RAB3C: variants seen among roughly 807,000 people sequenced by gnomAD.
RAB3C encodes RAB3C, member RAS oncogene family.
Under a neutral mutation model 26.4 loss-of-function variants are expected in RAB3C, and 17 were observed. The ratio of observed to expected loss-of-function variants is 0.64; its 90% CI spans 0.44 to 0.97. RAB3C has a LOEUF of 0.97. Ranked by LOEUF, RAB3C falls within the 50% of genes least tolerant of loss-of-function variation. RAB3C has a pLI of 0.00. For synonymous variants in RAB3C, 91 were observed against 95.9 expected, an observed-to-expected ratio of 0.95 and a Z score of 0.30; for missense variants, 242 against 281.9, an observed-to-expected ratio of 0.86 and a Z score of 1.01.
chr5:58,695,597 G>A (rs532167644), intron 2 of RAB3C, among the ~76,000 whole-genome samples: 10 of 152,010 alleles, frequency 6.6e-5, no homozygotes, highest in East Asian at 5.8e-4. Flanking sequence ...CTTTTATTTC[G>A]TTGAGCAGTG....
chr5:58,602,991 C>T (rs1746489553), intron 1 of RAB3C, among the ~76,000 whole-genome samples: 1 of 152,094 alleles, frequency 6.6e-6, no homozygotes, highest in Non-Finnish European at 1.5e-5. Flanking sequence ...TTTAGCAGTT[C>T]TTGTAGTGAT....
At chr5:58,587,576 A>G (rs1379497212) in intron 1 of RAB3C, among the ~76,000 whole-genome samples, 1 of 152,196 alleles carries the variant, frequency 6.6e-6, no homozygotes, top group Non-Finnish European at 1.5e-5. Flanking sequence ...GTTTTTAGAT[A>G]ATATTTATAT....
chr5:58,691,104 A>C (rs1466770045), intron 2 of RAB3C, among the ~76,000 whole-genome samples: 1 of 152,160 alleles, frequency 6.6e-6, no homozygotes, highest in Admixed American at 6.5e-5. Context: ...CAGTAAAAAA[A>C]AAAAATGGAT....
At chr5:58,619,005 A>G (rs1746879967) in intron 2 of RAB3C, among the ~76,000 whole-genome samples, 1 of 152,228 alleles carries the variant, frequency 6.6e-6, no homozygotes. Flanking sequence ...TTTAAAAAAG[A>G]AAACAGCCCT....
At chr5:58,598,844 A>G (rs1461716607) in intron 1 of RAB3C, among the ~76,000 whole-genome samples, 1 of 152,168 alleles carries the variant, frequency 6.6e-6, no homozygotes, top group African/African-American at 2.4e-5. Flanking sequence ...CTCTGAAGTT[A>G]GGTAATAAGA....
chr5:58,759,568 A>G (rs1200398694), intron 3 of RAB3C, among the ~76,000 whole-genome samples: 1 of 152,208 alleles, frequency 6.6e-6, no homozygotes, highest in African/African-American at 2.4e-5. Context: ...TCTTTATAAC[A>G]TGTAATGTAT....
chr5:58,679,796 A>T (rs1748309433), intron 2 of RAB3C, among the ~76,000 whole-genome samples: 1 of 152,256 alleles, frequency 6.6e-6, no homozygotes. Flanking sequence ...CAGCAAAATC[A>T]TGCAGGCTTT....
In RAB3C at chr5:58,757,852, C is replaced by G. The variant is rs112283273; in HGVS notation, c.371+31732C>G. 1.1e-4 allele frequency among the ~76,000 whole-genome samples: 16 copies of G among 152,340 alleles called. 1 individual carries two copies. Among genetic ancestry groups the G allele is most frequent in the African/African-American group, 3.6e-4 (15 of 41,590 alleles). On this transcript the variant is annotated intron_variant, in intron 3 of 4. Transcript: ENST00000282878. ...ATATTATGATGTTCCAGTGTCAGCA[C>G]TCTCTTCACATCTGCCATCAGCTCT...
At chr5:58,781,283 A>G (rs1012784194) in intron 3 of RAB3C, among the ~76,000 whole-genome samples, 5 of 152,150 alleles carry the variant, frequency 3.3e-5, no homozygotes, top group African/African-American at 1.2e-4. Flanking sequence ...GCTGCTAGGT[A>G]GATATGATTG....
At chr5:58,762,910 T>C (rs1741828012) in intron 3 of RAB3C, among the ~76,000 whole-genome samples, 1 of 152,336 alleles carries the variant, frequency 6.6e-6, no homozygotes, top group East Asian at 1.9e-4. Context: ...AATGAATATA[T>C]GTTACAGAAT....
intron 3 of RAB3C, among the ~76,000 whole-genome samples, chr5:58,727,141 TATG>T (rs1379488238): frequency 1.3e-5 from 2 of 151,994 alleles, no homozygotes; most frequent in Non-Finnish European, 2.9e-5. Context: ...GTTTGTTTTC[TATG>T]ATAATATTAT....
intron 2 of RAB3C, among the ~76,000 whole-genome samples, chr5:58,724,784 A>G (rs1404763646): frequency 6.6e-6 from 1 of 151,792 alleles, no homozygotes; most frequent in Non-Finnish European, 1.5e-5. Context: ...GATCACAAAG[A>G]AAAGAACAGA....
At chr5:58,790,697 A>T (rs1456598544) in intron 3 of RAB3C, among the ~76,000 whole-genome samples, 1 of 152,214 alleles carries the variant, frequency 6.6e-6, no homozygotes, top group Non-Finnish European at 1.5e-5. Context: ...TTCACACTCT[A>T]CATGGCAAAG....
chr5:58,774,823 G>C (rs1742093067), intron 3 of RAB3C, among the ~76,000 whole-genome samples: 1 of 152,124 alleles, frequency 6.6e-6, no homozygotes, highest in Non-Finnish European at 1.5e-5. Flanking sequence ...AGTGTCCTTA[G>C]CACAAATCAA....
At chr5:58,805,720 A>G (rs1297674310) in intron 3 of RAB3C, among the ~76,000 whole-genome samples, 1 of 152,150 alleles carries the variant, frequency 6.6e-6, no homozygotes, top group Non-Finnish European at 1.5e-5. Flanking sequence ...ATTAACATAA[A>G]AAGCAGAGGA....
At position 58,668,804 on chromosome 5, in the gene RAB3C, C is replaced by T. The variant is rs1432466078; in HGVS notation, c.252+50934C>T. Among the ~76,000 whole-genome samples, 3 of 152,058 alleles carry T rather than the reference C, an allele frequency of 2.0e-5. No individual in the cohort carries two copies. In the South Asian group the frequency reaches 6.2e-4, roughly 31 times the overall value. ...CTTAATTTCTAGTCACTCATGGTCTCCCATGAAAGATTCCTGCCATAATCA... is the reference window on the plus strand; with the variant it reads ...CTTAATTTCTAGTCACTCATGGTCTTCCATGAAAGATTCCTGCCATAATCA... On this transcript the variant is annotated intron_variant, in intron 2 of 4. Transcript: ENST00000282878.
chr5:58,685,060 A>G (rs1748416020), intron 2 of RAB3C, among the ~76,000 whole-genome samples: 1 of 152,218 alleles, frequency 6.6e-6, no homozygotes, highest in African/African-American at 2.4e-5. Flanking sequence ...CTTATGTTTA[A>G]TAAGAAAATG....
chr5:58,825,824 G>A (rs1376462850), intron 4 of RAB3C, among the ~76,000 whole-genome samples: 1 of 152,142 alleles, frequency 6.6e-6, no homozygotes, highest in Non-Finnish European at 1.5e-5. Context: ...ATACAAAGGA[G>A]GGATTGATGA....
chr5:58,596,950 T>A (rs1291224414), intron 1 of RAB3C, among the ~76,000 whole-genome samples: 1 of 93,826 alleles, frequency 1.1e-5, no homozygotes, highest in Non-Finnish European at 1.8e-5. Flanking sequence ...TATAATAATA[T>A]GATACATAAT....
Sources: allele counts gnomAD v4.1 joint callset (sites outside exome capture counted in the v4.1 genomes callset), GRCh38; gene constraint gnomAD v4.1.1; transcripts MANE v1.5; gene names NCBI Gene and HGNC (gene_info 2026-07-23, HGNC 2026-07-21).